The following DTX1 variants were observed in gnomAD, a reference collection of about 807,000 sequenced individuals.
The protein encoded by DTX1 is E3 ubiquitin-protein ligase DTX1.
In DTX1, 26 loss-of-function variants were observed where a neutral mutation model predicts 57.8. That is an observed-to-expected ratio of 0.45 (90% CI 0.33 to 0.62). The LOEUF (loss-of-function observed/expected upper bound fraction) is 0.62. Ranked by LOEUF, DTX1 falls within the 20% of genes least tolerant of loss-of-function variation. The probability of loss-of-function intolerance (pLI) is 0.02; values close to 1 mark genes in which losing one functional copy is unlikely to be tolerated. For synonymous variants in DTX1, 398 were observed against 394.1 expected, an observed-to-expected ratio of 1.01 and a Z score of -0.12; for missense variants, 704 against 895.3, an observed-to-expected ratio of 0.79 and a Z score of 2.73.
At chr12:113,081,286 G>A (rs772483016) in intron 3 of DTX1, among the ~76,000 whole-genome samples, 1 of 151,922 alleles carries the variant, frequency 6.6e-6, no homozygotes, top group Non-Finnish European at 1.5e-5. Context: ...CCGAGATCAC[G>A]CCACTGCACT....
chr12:113,083,643 A>T (rs2044834030), intron 3 of DTX1, among the ~76,000 whole-genome samples: 1 of 152,232 alleles, frequency 6.6e-6, no homozygotes, highest in African/African-American at 2.4e-5. Context: ...CAATAATTTT[A>T]ATGGCAAAAA....
intron 3 of DTX1, 28 bp downstream of exon 3, chr12:113,078,133 C>G: frequency 7.5e-7 from 1 of 1,329,994 alleles, no homozygotes; most frequent in Non-Finnish European, 9.6e-7. Context: ...GGGAGGGGGC[C>G]TCTGCGTCGT....
Position 113,077,345 on chromosome 12 carries a change from T to C in DTX1, c.260-79T>C. On this transcript the variant is annotated intron_variant, in intron 2 of 9. Coordinates refer to ENST00000548759, the MANE Select transcript of DTX1 (RefSeq NM_004416.3). The surrounding 1 kb of genome is among the most constrained non-coding windows in gnomAD (Gnocchi z 7.8). Reference sequence around the variant, plus strand: ...GACCCCCCAACCTCCCGCCCACCCTTGCCTGGCTGTGGCCCGCCCTTCCAG... The same window carrying C: ...GACCCCCCAACCTCCCGCCCACCCTCGCCTGGCTGTGGCCCGCCCTTCCAG... The C allele has an allele frequency of 3.4e-6, 5 of 1,488,272 alleles. No homozygotes were observed. The South Asian group carries it at 6.7e-5, about 20-fold the overall frequency. 92.2% of individuals were successfully genotyped at this position (1,488,272 alleles called of 1,614,324 possible).
intron 3 of DTX1, among the ~76,000 whole-genome samples, chr12:113,078,708 T>A (rs2044794255): frequency 6.6e-6 from 1 of 152,094 alleles, no homozygotes; most frequent in African/African-American, 2.4e-5. Flanking sequence ...GTCTTAGGAT[T>A]TTTAGAGGGC....
intron 3 of DTX1, among the ~76,000 whole-genome samples, chr12:113,079,515 C>CT (rs3038193): frequency 0.013 from 974 of 77,170 alleles, 118 homozygotes; most frequent in Admixed American, 0.022. Flanking sequence ...GGCCACTTCT[C>CT]TTTTTTTTTT....
intron 2 of DTX1, among the ~76,000 whole-genome samples, chr12:113,063,196 A>G (rs1398757303): frequency 1.3e-5 from 2 of 152,248 alleles, no homozygotes; most frequent in Non-Finnish European, 2.9e-5. Context: ...GGGTATGCTC[A>G]GCTGGTGGCT....
At chr12:113,074,531 G>A (rs1409166429) in intron 2 of DTX1, among the ~76,000 whole-genome samples, 2 of 152,198 alleles carry the variant, frequency 1.3e-5, no homozygotes, top group Non-Finnish European at 2.9e-5. Flanking sequence ...GGAGGACAGG[G>A]CCCCACAATG....
At position 113,077,373 on chromosome 12, in the gene DTX1, G is replaced by A. The variant is rs1350199403; in HGVS notation, c.260-51G>A. The stretch of plus-strand genomic sequence containing the variant: ...CTGGCTGTGGCCCGCCCTTCCAGCC[G>A]CGCAGACCAACGCCCGCTGTGCTGA... On this transcript the variant is annotated intron_variant, in intron 2 of 9. Transcript: ENST00000548759. The surrounding 1 kb of genome is among the most constrained non-coding windows in gnomAD (Gnocchi z 7.8). 7 of 1,384,396 alleles carry A rather than the reference G, an allele frequency of 5.1e-6. No homozygotes were observed. In the East Asian group the frequency reaches 1.5e-4, roughly 30 times the overall value. The allele number at this position is 1,384,396 out of a possible 1,614,324, so 85.8% of individuals were successfully genotyped here.
chr12:113,079,515 C>CTTT lies in DTX1; in HGVS notation c.941+1438_941+1440dup, dbSNP rs3038193. Among the ~76,000 whole-genome samples the CTTT allele has an allele frequency of 9.3e-4, 72 of 77,178 alleles. 12 individuals are homozygous for CTTT. The highest frequency in any genetic ancestry group is 1.9e-3 in the African/African-American group (31 of 16,442). 50.6% of individuals were successfully genotyped at this position (77,178 alleles called of 152,430 possible). ...TTCGAATCCCCTCTTGGCCACTTCT[C>CTTT]TTTTTTTTTTTTTTTTTTTTTTTTT... On this transcript the variant is annotated intron_variant, in intron 3 of 9. Transcript: ENST00000548759.
intron 2 of DTX1, among the ~76,000 whole-genome samples, chr12:113,065,149 C>T (rs1247483456): frequency 1.3e-5 from 2 of 152,182 alleles, no homozygotes; most frequent in Non-Finnish European, 2.9e-5. Context: ...CTCACAGCCA[C>T]GCTGCAGGAC....
chr12:113,077,402 C>A lies in DTX1; in HGVS notation c.260-22C>A. On this transcript the variant is annotated intron_variant, in intron 2 of 9. Transcript: ENST00000548759. This position sits in a 1 kb window ranked among gnomAD's most constrained non-coding sequence, Gnocchi z 7.8. ...AGACCAACGCCCGCTGTGCTGACGCCTCCTCCCCATTTCGAGTACAGGCAC... is the reference window on the plus strand; with the variant it reads ...AGACCAACGCCCGCTGTGCTGACGCATCCTCCCCATTTCGAGTACAGGCAC... 1 of 1,582,874 alleles carries A rather than the reference C, an allele frequency of 6.3e-7. No individual in the cohort carries two copies. Among genetic ancestry groups the A allele is most frequent in the East Asian group, 2.2e-5 (1 of 44,662 alleles).
At chr12:113,085,838 A>G (rs1021498772) in intron 3 of DTX1, among the ~76,000 whole-genome samples, 19 of 152,224 alleles carry the variant, frequency 1.2e-4, no homozygotes, top group Admixed American at 1.2e-3. Context: ...AGAATAAATT[A>G]ATTGTAGAAT....
Position 113,095,118 on chromosome 12 carries a change from A to C in DTX1, c.1463A>C (p.Glu488Ala). 6.2e-7 allele frequency: 1 copy of C among 1,613,804 alleles called. No homozygotes were observed. The highest frequency in any genetic ancestry group is 8.5e-7 in the Non-Finnish European group (1 of 1,179,740). Residue 488 changes from glutamate (E) to alanine (A), a missense_variant, in exon 8 of 10, where the codon GAG (glutamate) becomes GCG (alanine). Transcript: ENST00000548759. ...GGTACGCAGCCGCCTGGGAAGATGG[A>C]GTTCCACCTCATCCCCCACTCGCTG... ...KTGTQPPGKMEFHLIPHSLPG... is the reference protein window; with the variant it reads ...KTGTQPPGKMAFHLIPHSLPG...
rs368422025 is a variant in DTX1, at chr12:113,087,081, C to T, written c.942-6081C>T. Among the ~76,000 whole-genome samples, 61 of 152,116 alleles carry T rather than the reference C, an allele frequency of 4.0e-4. No individual in the cohort carries two copies. The East Asian group carries it at 0.011, about 28-fold the overall frequency. On this transcript the variant is annotated intron_variant, in intron 3 of 9. Transcript: ENST00000548759. ...CTGCCCCCAACCATCTCCTCCCGTT[C>T]CTTCCCCCGCAGAGAGCTGGGCAGG...
At position 113,093,583 on chromosome 12, in the gene DTX1, C is replaced by T. The variant is rs768348251; in HGVS notation, c.1048C>T (p.Leu350=). The T allele has an allele frequency of 6.2e-7, 1 of 1,611,320 alleles. No homozygotes were observed. Among genetic ancestry groups the T allele is most frequent in the Non-Finnish European group, 8.5e-7 (1 of 1,178,922 alleles). Reference sequence around the variant, plus strand: ...GTGCGCGGCCGGGCTGCCCGTGTGCCTGACGCGGGCCCCCAAGCCCATCCT... The same window carrying T: ...GTGCGCGGCCGGGCTGCCCGTGTGCTTGACGCGGGCCCCCAAGCCCATCCT... ...LLCAAGLPVC[L]TRAPKPILHP... Residue 350 remains leucine, a synonymous_variant, in exon 5 of 10, where the codon CTG becomes TTG. Transcript: ENST00000548759. The surrounding 1 kb of genome is among the most constrained non-coding windows in gnomAD (Gnocchi z 4.2).
chr12:113,056,847 G>A lies in DTX1; in HGVS notation c.-842G>A, dbSNP rs2044626716. ...GAGGGGCCTGGGAGGGAACGGGCGC[G>A]GAGGCGGGACCGCGGCTCCCTCCCA... On this transcript the variant is annotated 5_prime_UTR_variant, in exon 1 of 10. Coordinates refer to ENST00000548759, the MANE Select transcript of DTX1 (RefSeq NM_004416.3). The A allele has an allele frequency of 6.6e-6, 1 of 152,204 alleles. No individual in the cohort carries two copies. Among genetic ancestry groups the A allele is most frequent in the Admixed American group, 6.5e-5 (1 of 15,290 alleles). 9.4% of individuals were successfully genotyped at this position (152,204 alleles called of 1,614,324 possible).
In DTX1 at chr12:113,095,755, G is replaced by A. The variant is rs183388902; in HGVS notation, c.1638+341G>A. The A allele has an allele frequency of 4.8e-4, 143 of 297,422 alleles. 1 individual carries two copies. Among genetic ancestry groups the A allele is most frequent in the African/African-American group, 2.9e-3 (139 of 47,912 alleles). The allele number at this position is 297,422 out of a possible 1,614,324, so 18.4% of individuals were successfully genotyped here. On this transcript the variant is annotated intron_variant, in intron 9 of 9. Transcript: ENST00000548759. ...CACCACCCTACAGGTTGTCTGATTT[G>A]ACTTTCTGCTTTTCAAGAGCACCAA...
intron 2 of DTX1, among the ~76,000 whole-genome samples, chr12:113,060,585 C>A (rs1592840346): frequency 6.6e-6 from 1 of 152,134 alleles, no homozygotes; most frequent in Non-Finnish European, 1.5e-5. Flanking sequence ...CATCTCCCAC[C>A]AAGGGGAAGA....
chr12:113,067,985 G>A (rs2044715036), intron 2 of DTX1, among the ~76,000 whole-genome samples: 1 of 152,274 alleles, frequency 6.6e-6, no homozygotes, highest in African/African-American at 2.4e-5. Flanking sequence ...GCTGCAGTGA[G>A]TTATCATGGC....
Sources: allele counts gnomAD v4.1 joint callset (sites outside exome capture counted in the v4.1 genomes callset), GRCh38; gene constraint gnomAD v4.1.1; non-coding constraint Gnocchi (gnomAD v3.1); transcripts MANE v1.5; gene names NCBI Gene and HGNC (gene_info 2026-07-23, HGNC 2026-07-21).